Variants in HSD17B14 observed in about 807,000 individuals in gnomAD.
HSD17B14 encodes hydroxysteroid 17-beta dehydrogenase 14.
In HSD17B14, 32 loss-of-function variants were observed where a neutral mutation model predicts 32.2. That is an observed-to-expected ratio of 0.99 (90% CI 0.75 to 1.33). HSD17B14 has a LOEUF of 1.33. HSD17B14 is among the 40% of genes most tolerant of loss of function. The probability of loss-of-function intolerance (pLI) is 0.00; values close to 1 mark genes in which losing one functional copy is unlikely to be tolerated. For missense variants in HSD17B14, 370 were observed against 366.5 expected (o/e 1.01, Z -0.08); for synonymous variants, 140 against 155.4 (o/e 0.90, Z 0.74).
intron 5 of HSD17B14, among the ~76,000 whole-genome samples, chr19:48,829,396 G>C (rs1292008808): frequency 6.6e-6 from 1 of 151,684 alleles, no homozygotes; most frequent in Non-Finnish European, 1.5e-5. Flanking sequence ...CTGTCACCCA[G>C]GCTGGAGTGT....
At chr19:48,818,226 T>A (rs1281751355) in intron 5 of HSD17B14, among the ~76,000 whole-genome samples, 1 of 149,672 alleles carries the variant, frequency 6.7e-6, no homozygotes, top group Non-Finnish European at 1.5e-5. Context: ...CAGGAGAATC[T>A]CTTGATCCCG....
At chr19:48,826,913 C>T (rs189044898) in intron 5 of HSD17B14, among the ~76,000 whole-genome samples, 4 of 152,090 alleles carry the variant, frequency 2.6e-5, no homozygotes, top group South Asian at 2.1e-4. Context: ...AATGCCCATT[C>T]CCACCAGGAC....
intron 5 of HSD17B14, among the ~76,000 whole-genome samples, chr19:48,823,151 A>C (rs758521890): frequency 3.4e-4 from 51 of 152,182 alleles, no homozygotes; most frequent in Non-Finnish European, 6.2e-4. Flanking sequence ...AGATGGTATC[A>C]AGACATTTCT....
At chr19:48,826,325 C>A (rs2035245105) in intron 5 of HSD17B14, among the ~76,000 whole-genome samples, 1 of 149,922 alleles carries the variant, frequency 6.7e-6, no homozygotes, top group Non-Finnish European at 1.5e-5. Flanking sequence ...AGACCCCCAA[C>A]TCTACAAAAA....
At chr19:48,834,782 C>T (rs540981618) in intron 2 of HSD17B14, among the ~76,000 whole-genome samples, 24 of 97,366 alleles carry the variant, frequency 2.5e-4, no homozygotes, top group Non-Finnish European at 4.1e-4. Context: ...GGAGGAGGGG[C>T]TGGGAGCCTG....
At chr19:48,818,528 A>C (rs2035095444) in intron 5 of HSD17B14, among the ~76,000 whole-genome samples, 1 of 151,146 alleles carries the variant, frequency 6.6e-6, no homozygotes, top group Admixed American at 6.6e-5. Flanking sequence ...CTGCTGTTTA[A>C]TCTCCTCCCC....
chr19:48,826,547 A>ACG (rs1401745113), intron 5 of HSD17B14, among the ~76,000 whole-genome samples: 1 of 99,938 alleles, frequency 1.0e-5, no homozygotes, highest in East Asian at 3.0e-4. Context: ...ATATATACAC[A>ACG]CACACACACA....
chr19:48,818,901 G>A (rs1048131973), intron 5 of HSD17B14, among the ~76,000 whole-genome samples: 10 of 152,208 alleles, frequency 6.6e-5, no homozygotes, highest in Admixed American at 2.0e-4. Flanking sequence ...CAGTGTGGCC[G>A]GAGGTGAGGT....
At chr19:48,834,180 A>G in intron 3 of HSD17B14, 96 bp downstream of exon 3, 4 of 980,120 alleles carry the variant, frequency 4.1e-6, no homozygotes, top group Non-Finnish European at 6.4e-6. Flanking sequence ...CAGGAGAGGA[A>G]GGAAAAGTAG....
chr19:48,818,114 C>T (rs1457618586), intron 5 of HSD17B14, among the ~76,000 whole-genome samples: 2 of 151,970 alleles, frequency 1.3e-5, no homozygotes, highest in Non-Finnish European at 2.9e-5. Context: ...AGTTCAAGAC[C>T]AGACTGGTCA....
Position 48,834,376 on chromosome 19 carries a change from C to A in HSD17B14, c.128-18G>T, listed in dbSNP as rs1465413762. ...CCCAGACTCTGCAGGGAGAGAAGAG[C>A]TGGGAGCCTGGACCCCTGGGTCTCA... On this transcript the variant is annotated intron_variant, in intron 2 of 8. Coordinates refer to ENST00000263278, the MANE Select transcript of HSD17B14 (RefSeq NM_016246.3). The A allele has an allele frequency of 1.3e-6, 2 of 1,593,174 alleles. No individual in the cohort carries two copies. Among genetic ancestry groups the A allele is most frequent in the South Asian group, 2.2e-5 (2 of 90,404 alleles).
chr19:48,836,437 C>G lies in HSD17B14; in HGVS notation c.-26G>C. 1 of 1,609,222 alleles carries G rather than the reference C, an allele frequency of 6.2e-7. No homozygotes were observed. The highest frequency in any genetic ancestry group is 8.5e-7 in the Non-Finnish European group (1 of 1,177,006). Reference sequence around the variant, plus strand: ...CCCGTGTACGTCGGTCTCTCTCTCTCTCTACTCTGGGCCTCTTTCACCTCC... The same window carrying G: ...CCCGTGTACGTCGGTCTCTCTCTCTGTCTACTCTGGGCCTCTTTCACCTCC... On this transcript the variant is annotated 5_prime_UTR_variant, in exon 1 of 9. Transcript: ENST00000263278.
intron 5 of HSD17B14, among the ~76,000 whole-genome samples, chr19:48,826,361 G>A (rs1599837466): frequency 6.7e-6 from 1 of 149,918 alleles, no homozygotes; most frequent in African/African-American, 2.5e-5. Context: ...GGGCGTAGTG[G>A]TGGGCACCTG....
chr19:48,822,884 G>T (rs2035184945), intron 5 of HSD17B14, among the ~76,000 whole-genome samples: 1 of 152,076 alleles, frequency 6.6e-6, no homozygotes, highest in African/African-American at 2.4e-5. Flanking sequence ...TGGTGATGGT[G>T]AGGATGACGG....
chr19:48,827,968 C>T (rs1362185796), intron 5 of HSD17B14, among the ~76,000 whole-genome samples: 5 of 151,830 alleles, frequency 3.3e-5, no homozygotes, highest in Non-Finnish European at 5.9e-5. Context: ...CATTCTCCTG[C>T]CTCAGCCTCC....
intron 5 of HSD17B14, among the ~76,000 whole-genome samples, chr19:48,830,530 G>A (rs1306203657): frequency 6.6e-6 from 1 of 152,082 alleles, no homozygotes; most frequent in Non-Finnish European, 1.5e-5. Context: ...GGGGCCGAGA[G>A]AATTTTGAGC....
chr19:48,832,079 G>GAAAAAAA (rs71294393), intron 4 of HSD17B14, among the ~76,000 whole-genome samples: 2 of 60,092 alleles, frequency 3.3e-5, no homozygotes, highest in African/African-American at 1.4e-4. Context: ...CCCCATCTCA[G>GAAAAAAA]AAAAAAAAAA....
rs879115159 is a variant in HSD17B14, at chr19:48,834,451, TG to T, written c.128-94del. The T allele has an allele frequency of 2.1e-3, 1,271 of 597,878 alleles. 23 individuals are homozygous for T. The highest frequency in any genetic ancestry group is 0.016 in the East Asian group (346 of 21,458). The allele number at this position is 597,878 out of a possible 1,614,324, so 37.0% of individuals were successfully genotyped here. On this transcript the variant is annotated intron_variant, in intron 2 of 8. Coordinates refer to ENST00000263278, the MANE Select transcript of HSD17B14 (RefSeq NM_016246.3). ...CTCCTGGGTCTGAGGGAGGAGGTGCTGGGGGCCTGGACTCCTGGGTCTGAGG... is the reference window on the plus strand; with the variant it reads ...CTCCTGGGTCTGAGGGAGGAGGTGCTGGGGCCTGGACTCCTGGGTCTGAGG...
chr19:48,833,767 G>A (rs755002774), intron 3 of HSD17B14, among the ~76,000 whole-genome samples: 9 of 151,328 alleles, frequency 5.9e-5, no homozygotes, highest in Admixed American at 1.3e-4. Context: ...CAGAGGTTGC[G>A]GTGAGCCGAG....
Sources: allele counts gnomAD v4.1 joint callset (sites outside exome capture counted in the v4.1 genomes callset), GRCh38; gene constraint gnomAD v4.1.1; transcripts MANE v1.5; gene names NCBI Gene and HGNC (gene_info 2026-07-23, HGNC 2026-07-21).